The following REDIC1 variants were observed in gnomAD, a reference collection of about 807,000 sequenced individuals.
REDIC1 encodes the protein regulator of DNA class I crossover intermediates 1, also known as HEI10 Interacting Protein 1.
the REDIC1 span, among the ~76,000 whole-genome samples, chr12:39,895,639 T>C: frequency 2.0e-5 from 3 of 147,390 alleles, no homozygotes; most frequent in African/African-American, 7.6e-5. Flanking sequence ...CATATGTATA[T>C]GCGTGTATAC....
At chr12:39,761,030 AAAC>A in the REDIC1 span, among the ~76,000 whole-genome samples, 1 of 141,560 alleles carries the variant, frequency 7.1e-6, no homozygotes, top group Admixed American at 7.4e-5. Context: ...TGATGGTGGA[AAAC>A]AACAAAGTAA....
the REDIC1 span, among the ~76,000 whole-genome samples, chr12:39,723,009 C>A: frequency 6.6e-6 from 1 of 152,128 alleles, no homozygotes; most frequent in African/African-American, 2.4e-5. Context: ...TAGTCAGCCA[C>A]ACCGCTGTGA....
chr12:39,732,289 G>A, the REDIC1 span, among the ~76,000 whole-genome samples: 1 of 152,010 alleles, frequency 6.6e-6, no homozygotes, highest in Non-Finnish European at 1.5e-5. Context: ...TTGCATTCTT[G>A]TGGTGAAATT....
the REDIC1 span, among the ~76,000 whole-genome samples, chr12:39,709,488 AAAC>A: frequency 2.6e-5 from 4 of 151,644 alleles, no homozygotes; most frequent in Admixed American, 2.0e-4. Flanking sequence ...CACACTCCCT[AAAC>A]AACAATTTCC....
the REDIC1 span, among the ~76,000 whole-genome samples, chr12:39,693,814 G>A: frequency 1.3e-5 from 2 of 152,076 alleles, no homozygotes; most frequent in African/African-American, 2.4e-5. Context: ...TCTGGGAGTG[G>A]CATTGTTAAG....
the REDIC1 span, among the ~76,000 whole-genome samples, chr12:39,888,548 G>C: frequency 6.6e-6 from 1 of 152,154 alleles, no homozygotes. Flanking sequence ...TACTTAACAT[G>C]CAACTTAGCA....
At chr12:39,819,492 T>G in the REDIC1 span, among the ~76,000 whole-genome samples, 1 of 152,170 alleles carries the variant, frequency 6.6e-6, no homozygotes, top group Non-Finnish European at 1.5e-5. Flanking sequence ...TATTTGATGT[T>G]CCTAAAAGCC....
the REDIC1 span, among the ~76,000 whole-genome samples, chr12:39,703,301 G>C: frequency 2.7e-5 from 4 of 150,296 alleles, no homozygotes; most frequent in Admixed American, 6.7e-5. Flanking sequence ...CAGACAAACA[G>C]AGAGCCAAAT....
At chr12:39,790,309 C>A in the REDIC1 span, among the ~76,000 whole-genome samples, 1 of 150,176 alleles carries the variant, frequency 6.7e-6, no homozygotes, top group Non-Finnish European at 1.5e-5. Flanking sequence ...TGTGCTGGTG[C>A]GCTGCACCCA....
At chr12:39,702,924 G>T in the REDIC1 span, among the ~76,000 whole-genome samples, 1 of 152,114 alleles carries the variant, frequency 6.6e-6, no homozygotes, top group Non-Finnish European at 1.5e-5. Flanking sequence ...GGTATTGATG[G>T]GATGTATTTC....
chr12:39,646,579 C>T, the REDIC1 span: 1 of 972,984 alleles, frequency 1.0e-6, no homozygotes, highest in Non-Finnish European at 1.5e-6. Context: ...GTTTGTTTGG[C>T]TGTTAACAGT....
chr12:39,872,442 A>G, the REDIC1 span, among the ~76,000 whole-genome samples: 5 of 152,044 alleles, frequency 3.3e-5, no homozygotes, highest in Admixed American at 3.3e-4. Context: ...CAAAAAAGAC[A>G]CAATGAGTAA....
chr12:39,895,261 C>T, the REDIC1 span, among the ~76,000 whole-genome samples: 5,236 of 151,626 alleles, frequency 0.035, 210 homozygotes, highest in Admixed American at 0.12. Context: ...AAGGCCGAGG[C>T]GGGCGGATCA....
chr12:39,897,691 T>G, the REDIC1 span, among the ~76,000 whole-genome samples: 1 of 152,158 alleles, frequency 6.6e-6, no homozygotes, highest in Non-Finnish European at 1.5e-5. Context: ...TTCATTTAAA[T>G]TTGCAATTAA....
the REDIC1 span, among the ~76,000 whole-genome samples, chr12:39,716,188 G>A: frequency 2.0e-5 from 3 of 151,826 alleles, no homozygotes; most frequent in South Asian, 2.1e-4. Flanking sequence ...TTGAAGCTAC[G>A]GTTGCTCTTT....
chr12:39,834,149 A>G, the REDIC1 span, among the ~76,000 whole-genome samples: 1 of 151,904 alleles, frequency 6.6e-6, no homozygotes, highest in Admixed American at 6.6e-5. Flanking sequence ...GTCACATAAA[A>G]CTTTGGTTAA....
At chr12:39,716,440 A>T in the REDIC1 span, among the ~76,000 whole-genome samples, 55 of 152,142 alleles carry the variant, frequency 3.6e-4, no homozygotes, top group African/African-American at 1.1e-3. Context: ...TTAACACTTT[A>T]AATTATTAGT....
the REDIC1 span, among the ~76,000 whole-genome samples, chr12:39,829,210 A>C: frequency 6.6e-6 from 1 of 151,908 alleles, no homozygotes; most frequent in African/African-American, 2.4e-5. Flanking sequence ...ATTTTATACT[A>C]ATATTTCATT....
the REDIC1 span, among the ~76,000 whole-genome samples, chr12:39,687,371 A>C: frequency 6.6e-6 from 1 of 152,218 alleles, no homozygotes; most frequent in Non-Finnish European, 1.5e-5. Flanking sequence ...AGGAAGCAGG[A>C]TTCTGGGGAA....
Sources: allele counts gnomAD v4.1 joint callset (sites outside exome capture counted in the v4.1 genomes callset), GRCh38; gene constraint gnomAD v4.1.1; transcripts MANE v1.5; gene names NCBI Gene and HGNC (gene_info 2026-07-23, HGNC 2026-07-21).